Variants in NLRP7 observed in about 807,000 individuals in gnomAD.
The protein encoded by NLRP7 is NACHT, LRR and PYD domains-containing protein 7.
A neutral mutation model predicts 85.5 loss-of-function variants in NLRP7; 72 were observed. The ratio of observed to expected loss-of-function variants is 0.84; its 90% CI spans 0.70 to 1.02. NLRP7 has a LOEUF of 1.02. Among genes scored for constraint, NLRP7 ranks in the 50% least tolerant of loss-of-function variants. NLRP7 has a pLI of 0.00. For synonymous variants in NLRP7, 550 were observed against 505.2 expected (o/e 1.09, Z -1.19); for missense variants, 1,243 against 1,219.5 (o/e 1.02, Z -0.29).
At chr19:54,952,698 G>T (rs1054188427) in intron 1 of NLRP7, among the ~76,000 whole-genome samples, 1 of 151,964 alleles carries the variant, frequency 6.6e-6, no homozygotes, top group African/African-American at 2.4e-5. Context: ...CTTCTCTTCT[G>T]CAACACAGTG....
chr19:54,947,388 G>A (rs2069521168), intron 1 of NLRP7, 81 bp downstream of exon 1: 2 of 1,042,074 alleles, frequency 1.9e-6, no homozygotes, highest in Non-Finnish European at 2.6e-6. Context: ...GCTTGGGAAG[G>A]GCTATGGTGG....
intron 1 of NLRP7, among the ~76,000 whole-genome samples, chr19:54,943,103 C>T (rs985479607): frequency 6.6e-6 from 1 of 151,328 alleles, no homozygotes; most frequent in African/African-American, 2.4e-5. Flanking sequence ...GCTGAGATAG[C>T]GCCATTGTAC....
intron 5 of NLRP7, among the ~76,000 whole-genome samples, chr19:54,937,708 G>T (rs1349235221): frequency 1.3e-5 from 2 of 151,976 alleles, no homozygotes; most frequent in Non-Finnish European, 2.9e-5. Flanking sequence ...GATCAGCCTG[G>T]GCAACACGGT....
Position 54,934,796 on chromosome 19 carries a change from G to C in NLRP7, c.2301-137C>G. On this transcript the variant is annotated intron_variant, in intron 6 of 9. Transcript: ENST00000340844. The surrounding 1 kb of genome is among the most constrained non-coding windows in gnomAD (Gnocchi z 6.7). ...GTGATCTCACCTCACTGCAGCCTCC[G>C]CCTCCCGGGTTCAAGCTATTCTCCT... The C allele has an allele frequency of 1.5e-6, 1 of 678,338 alleles. No individual in the cohort carries two copies. Among genetic ancestry groups the C allele is most frequent in the South Asian group, 2.0e-5 (1 of 49,702 alleles). The allele number at this position is 678,338 out of a possible 1,614,324, so 42.0% of individuals were successfully genotyped here. A position where few individuals can be genotyped will look rare whatever the true frequency, so the allele number is the denominator to read the frequency against.
intron 9 of NLRP7, among the ~76,000 whole-genome samples, chr19:54,926,128 T>C (rs1016961559): frequency 6.6e-6 from 1 of 151,882 alleles, no homozygotes; most frequent in Admixed American, 6.6e-5. Flanking sequence ...TAAGGGAGCA[T>C]CTGTAGGACG....
At chr19:54,937,942 A>C in intron 5 of NLRP7, 102 bp downstream of exon 5, 1 of 869,100 alleles carries the variant, frequency 1.2e-6, no homozygotes, top group Non-Finnish European at 1.9e-6. Flanking sequence ...AAATCCCCAA[A>C]TACATGGAGA....
chr19:54,937,695 C>G (rs748072475), intron 5 of NLRP7, among the ~76,000 whole-genome samples: 2 of 151,916 alleles, frequency 1.3e-5, no homozygotes, highest in Non-Finnish European at 2.9e-5. Context: ...GTCAGGAGCT[C>G]GAGATCAGCC....
At chr19:54,929,455 A>G (rs1037417382) in intron 9 of NLRP7, among the ~76,000 whole-genome samples, 34 of 152,168 alleles carry the variant, frequency 2.2e-4, no homozygotes, top group Admixed American at 1.5e-3. Flanking sequence ...TTCTCTTTGC[A>G]TTAGGATTGC....
chr19:54,959,473 A>C (rs1451011587), intron 1 of NLRP7, among the ~76,000 whole-genome samples: 2 of 151,198 alleles, frequency 1.3e-5, no homozygotes, highest in East Asian at 3.9e-4. Flanking sequence ...CTGAGTATAA[A>C]ACAATATAAA....
In NLRP7 at chr19:54,930,275, C is replaced by T. The variant is rs269948; in HGVS notation, c.2810+224G>A. Among the ~76,000 whole-genome samples, 83,974 of 151,308 alleles carry T rather than the reference C, an allele frequency of 0.55. 23,536 individuals are homozygous for T. The highest frequency in any genetic ancestry group is 0.72 in the East Asian group (3,669 of 5,116). ...TGAGCACCAGAATTCAAAACCAGCC[C>T]GGGAAAGATGACAAGACCTCATCTC... On this transcript the variant is annotated intron_variant, in intron 9 of 9. Transcript: ENST00000340844.
At chr19:54,953,509 C>G (rs1045742906) in intron 1 of NLRP7, 4 of 151,884 alleles carry the variant, frequency 2.6e-5, no homozygotes, top group African/African-American at 9.7e-5. Context: ...CTACCAGGCC[C>G]AGGGTGTGGC....
chr19:54,935,281 G>A lies in NLRP7; in HGVS notation c.2301-622C>T, dbSNP rs537696580. Among the ~76,000 whole-genome samples, 117 of 152,114 alleles carry A rather than the reference G, an allele frequency of 7.7e-4. 1 individual carries two copies. The highest frequency in any genetic ancestry group is 2.6e-3 in the African/African-American group (107 of 41,494). ...ATCTCGCTCTGTTGCCCAGGCTGGAGTGCAGTGGCATGATCACAGGTCACC... is the reference window on the plus strand; with the variant it reads ...ATCTCGCTCTGTTGCCCAGGCTGGAATGCAGTGGCATGATCACAGGTCACC... On this transcript the variant is annotated intron_variant, in intron 6 of 9. Coordinates refer to ENST00000340844, the Ensembl canonical transcript of NLRP7.
intron 7 of NLRP7, 120 bp from the exon 8 acceptor site, chr19:54,933,859 CT>C: frequency 1.1e-6 from 1 of 882,628 alleles, no homozygotes. Flanking sequence ...CCCCTGCCCT[CT>C]GTCCTGTGGG....
At chr19:54,960,675 A>G (rs571572134) in intron 1 of NLRP7, among the ~76,000 whole-genome samples, 35 of 152,148 alleles carry the variant, frequency 2.3e-4, no homozygotes, top group African/African-American at 8.2e-4. Flanking sequence ...GGCTCACTGC[A>G]AGCTCCGCCT....
intron 1 of NLRP7, among the ~76,000 whole-genome samples, chr19:54,961,540 T>A (rs888371565): frequency 1.3e-5 from 2 of 149,958 alleles, no homozygotes; most frequent in East Asian, 2.0e-4. Flanking sequence ...ACAAATTTTT[T>A]AAAAAAGGTA....
upstream of NLRP7, chr19:54,947,518 C>T (rs554545469): frequency 1.1e-4 from 136 of 1,289,598 alleles, no homozygotes; most frequent in African/African-American, 1.2e-3. Context: ...GCAAAGGAAA[C>T]GGATAAAAAG....
At position 54,940,967 on chromosome 19, in the gene NLRP7, C is replaced by T. The variant is rs201987540; in HGVS notation, c.316G>A (p.Gly106Arg). The change falls in exon 3 of 10, where the codon GGA becomes AGA. Residue 106 changes from glycine to arginine, a missense_variant. This residue lies in a region of NLRP7 where 591 missense variants were observed against 563.3 expected (regional missense o/e 1.05). Coordinates refer to ENST00000340844, the Ensembl canonical transcript of NLRP7. ...AACTCCGAGTCTTCTTCTGCATCTC[C>T]CAGCTCAGGATTATCTATTTCTTGC... 3.3e-5 allele frequency: 53 copies of T among 1,613,026 alleles called. No individual in the cohort carries two copies. In the East Asian group the frequency reaches 1.1e-3, roughly 34 times the overall value.
Position 54,941,643 on chromosome 19 carries a change from CTT to C in NLRP7, c.67_68del (p.Lys23GlufsTer22). On this transcript the variant is annotated frameshift_variant, in exon 2 of 10. Coordinates refer to ENST00000340844, the Ensembl canonical transcript of NLRP7. LOFTEE classifies it high-confidence loss of function. The stretch of plus-strand genomic sequence containing the variant: ...AAGCCCATAAAAGGGATTTGAAACT[CTT>C]TAATTCATCCTCGTTCAGCTGCTCC... 6.2e-7 allele frequency: 1 copy of C among 1,614,028 alleles called. No individual in the cohort carries two copies.
Position 54,933,759 on chromosome 19 carries a change from A to G in NLRP7, c.2472-20T>C. 6.2e-7 allele frequency: 1 copy of G among 1,608,384 alleles called. No individual in the cohort carries two copies. The highest frequency in any genetic ancestry group is 1.3e-5 in the African/African-American group (1 of 74,962). ...TCCAACCTGCAAAAATATGAAACAAATGGTAGAAGGATGAGAACATTTCCA... is the reference window on the plus strand; with the variant it reads ...TCCAACCTGCAAAAATATGAAACAAGTGGTAGAAGGATGAGAACATTTCCA... On this transcript the variant is annotated intron_variant, in intron 7 of 9. Transcript: ENST00000340844.
Sources: gnomAD v4.1 joint callset for allele counts (sites outside exome capture counted in the v4.1 genomes callset) on GRCh38, gnomAD v4.1.1 for gene constraint, gnomAD v4.1.1 regional missense constraint, Gnocchi (gnomAD v3.1) non-coding constraint, MANE v1.5 for transcripts, NCBI Gene and HGNC (gene_info 2026-07-23, HGNC 2026-07-21) for gene names.